Variants in UBXN7 observed in about 807,000 individuals in gnomAD.
UBXN7 encodes the protein UBX domain protein 7.
In UBXN7, 9 loss-of-function variants were observed where a neutral mutation model predicts 58.0. The observed-to-expected ratio is 0.16, with a 90% confidence interval of 0.09 to 0.27. The LOEUF (loss-of-function observed/expected upper bound fraction) is 0.27. Ranked by LOEUF, UBXN7 falls within the 10% of genes least tolerant of loss-of-function variation. UBXN7 has a pLI of 1.00. For missense variants in UBXN7, 328 were observed against 599.6 expected (o/e 0.55, Z 4.73); for synonymous variants, 208 against 205.0 (o/e 1.01, Z -0.12).
intron 9 of UBXN7, 24 bp from the exon 10 acceptor site, chr3:196,361,947 A>G (rs1728516357): frequency 6.2e-7 from 1 of 1,600,460 alleles, no homozygotes; most frequent in African/African-American, 1.3e-5. Context: ...TTAAAAAAAA[A>G]AAAAAAACGG....
intron 2 of UBXN7, among the ~76,000 whole-genome samples, chr3:196,404,888 T>G (rs988141773): frequency 6.6e-6 from 1 of 152,152 alleles, no homozygotes; most frequent in Non-Finnish European, 1.5e-5. Context: ...GCATGGTGGC[T>G]CACACCTGCA....
intron 1 of UBXN7, among the ~76,000 whole-genome samples, chr3:196,412,399 A>G (rs556677975): frequency 6.6e-6 from 1 of 152,114 alleles, no homozygotes; most frequent in African/African-American, 2.4e-5. Context: ...GCTTATACCC[A>G]TTAAAAAGGC....
At chr3:196,421,676 C>T (rs1007139137) in intron 1 of UBXN7, among the ~76,000 whole-genome samples, 17 of 150,784 alleles carry the variant, frequency 1.1e-4, no homozygotes, top group African/African-American at 4.2e-4. Flanking sequence ...ACTTGGGAGG[C>T]TGAGGCAGGA....
At chr3:196,415,372 T>A (rs1730449320) in intron 1 of UBXN7, among the ~76,000 whole-genome samples, 1 of 149,686 alleles carries the variant, frequency 6.7e-6, no homozygotes, top group Non-Finnish European at 1.5e-5. Flanking sequence ...TAGGATGGTC[T>A]CGATCTCCTG....
intron 2 of UBXN7, among the ~76,000 whole-genome samples, chr3:196,405,344 C>A (rs1730127972): frequency 6.6e-6 from 1 of 151,090 alleles, no homozygotes; most frequent in South Asian, 2.1e-4. Flanking sequence ...GTGGAGTGTA[C>A]CAGCAGTCCC....
rs1000204283 is a variant in UBXN7, at chr3:196,410,099, C to T, written c.74-2706G>A. 5.9e-5 allele frequency among the ~76,000 whole-genome samples: 9 copies of T among 152,030 alleles called. No individual in the cohort carries two copies. The East Asian group carries it at 7.7e-4, about 13-fold the overall frequency. On this transcript the variant is annotated intron_variant, in intron 1 of 10. Transcript: ENST00000296328. ...GGATTACAGGCGCCTGCCACCACAC[C>T]GGGCTAATTTTTCTATTTTTAGTAA...
In UBXN7 at chr3:196,350,714, A is replaced by G. The variant is rs760428170; in HGVS notation, c.*5971T>C. The stretch of plus-strand genomic sequence containing the variant: ...CTGACACACAGGTGAGTCAAAAACC[A>G]TAACCATCACTGAAATACCAAATCT... On this transcript the variant is annotated 3_prime_UTR_variant, in exon 11 of 11. Coordinates refer to ENST00000296328, the MANE Select transcript of UBXN7 (RefSeq NM_015562.2). 3 of 149,456 alleles carry G rather than the reference A, an allele frequency of 2.0e-5. No homozygotes were observed. In the Admixed American group the frequency reaches 2.0e-4, roughly 10 times the overall value. 9.3% of individuals were successfully genotyped at this position (149,456 alleles called of 1,614,324 possible). A position where few individuals can be genotyped will look rare whatever the true frequency, so the allele number is the denominator to read the frequency against.
chr3:196,399,162 T>C (rs1729876597), intron 3 of UBXN7, among the ~76,000 whole-genome samples: 1 of 152,214 alleles, frequency 6.6e-6, no homozygotes, highest in Non-Finnish European at 1.5e-5. Context: ...ATCATAGTAC[T>C]TCATTATGCC....
intron 1 of UBXN7, among the ~76,000 whole-genome samples, chr3:196,410,803 C>G (rs1424965463): frequency 6.6e-6 from 1 of 150,592 alleles, no homozygotes; most frequent in East Asian, 1.9e-4. Context: ...GCCTGGGCAA[C>G]GGAGCAAGAC....
At chr3:196,386,262 G>C (rs1424357341) in intron 5 of UBXN7, among the ~76,000 whole-genome samples, 1 of 151,410 alleles carries the variant, frequency 6.6e-6, no homozygotes, top group African/African-American at 2.4e-5. Context: ...GGCCCTCTGC[G>C]TAGGAAAACC....
At chr3:196,428,122 G>GAAAACA (rs560641226) in intron 1 of UBXN7, among the ~76,000 whole-genome samples, 3,107 of 149,870 alleles carry the variant, frequency 0.021, 57 homozygotes, top group Non-Finnish European at 0.027. Context: ...AAATTCTGTC[G>GAAAACA]AAAACAAAAA....
intron 7 of UBXN7, among the ~76,000 whole-genome samples, 161 bp downstream of exon 7, chr3:196,369,260 C>T (rs1332487459): frequency 1.3e-5 from 2 of 152,102 alleles, no homozygotes; most frequent in African/African-American, 4.8e-5. Context: ...TAAATACATA[C>T]ATCAATAGAT....
chr3:196,372,533 G>T (rs940191535), intron 5 of UBXN7, among the ~76,000 whole-genome samples: 2 of 151,542 alleles, frequency 1.3e-5, no homozygotes, highest in African/African-American at 4.8e-5. Flanking sequence ...GTAGAGATGG[G>T]GTATCAACAT....
At chr3:196,427,320 A>G in intron 1 of UBXN7, among the ~76,000 whole-genome samples, 1 of 152,128 alleles carries the variant, frequency 6.6e-6, no homozygotes. Flanking sequence ...CTTCAGCAGC[A>G]CATATACTAA....
At chr3:196,424,236 T>C (rs1357342421) in intron 1 of UBXN7, among the ~76,000 whole-genome samples, 1 of 152,036 alleles carries the variant, frequency 6.6e-6, no homozygotes, top group Non-Finnish European at 1.5e-5. Context: ...GTTTTCCTCC[T>C]ACATCTTTGG....
chr3:196,415,456 TATC>T (rs1316965462), intron 1 of UBXN7, among the ~76,000 whole-genome samples: 2 of 146,780 alleles, frequency 1.4e-5, no homozygotes, highest in African/African-American at 2.5e-5. Context: ...CCAGCCATAT[TATC>T]ATACTTCTTG....
intron 2 of UBXN7, among the ~76,000 whole-genome samples, chr3:196,403,457 C>T (rs190898227): frequency 3.2e-4 from 48 of 152,116 alleles, no homozygotes; most frequent in Non-Finnish European, 3.8e-4. Flanking sequence ...CTACTGCATC[C>T]GGCTGATAAA....
At chr3:196,367,554 A>G (rs1348908729) in intron 8 of UBXN7, among the ~76,000 whole-genome samples, 7 of 152,182 alleles carry the variant, frequency 4.6e-5, no homozygotes, top group Non-Finnish European at 4.4e-5. Flanking sequence ...AGGCTGCTTC[A>G]GCCCAGGAGT....
intron 5 of UBXN7, among the ~76,000 whole-genome samples, chr3:196,388,761 A>T (rs1729490753): frequency 2.0e-5 from 3 of 152,158 alleles, no homozygotes; most frequent in Admixed American, 6.6e-5. Context: ...TCTAATTTTT[A>T]ACATTTATCT....
Sources: gnomAD v4.1 joint callset for allele counts (sites outside exome capture counted in the v4.1 genomes callset) on GRCh38, gnomAD v4.1.1 for gene constraint, MANE v1.5 for transcripts, NCBI Gene and HGNC (gene_info 2026-07-23, HGNC 2026-07-21) for gene names.